LRRTM4: variants seen among roughly 807,000 people sequenced by gnomAD.
LRRTM4 encodes leucine rich repeat transmembrane neuronal 4.
A neutral mutation model predicts 47.6 loss-of-function variants in LRRTM4; 25 were observed. That is an observed-to-expected ratio of 0.53 (90% confidence interval 0.38 to 0.73). The LOEUF (loss-of-function observed/expected upper bound fraction) is 0.73, where lower values mean the gene tolerates loss of function less well. Ranked by LOEUF, LRRTM4 falls within the 30% of genes least tolerant of loss-of-function variation. The pLI is 0.00. For synonymous variants in LRRTM4, 311 were observed against 269.5 expected (o/e 1.15, Z -1.51); for missense variants, 638 against 713.4 (o/e 0.89, Z 1.20).
At position 77,059,374 on chromosome 2, in the gene LRRTM4, T is replaced by C. The variant is rs547978037; in HGVS notation, c.1552-310458A>G. Among the ~76,000 whole-genome samples, 247 of 152,298 alleles carry C rather than the reference T, an allele frequency of 1.6e-3. 1 individual carries two copies. Among genetic ancestry groups the C allele is most frequent in the Middle Eastern group, 0.01 (3 of 294 alleles). On this transcript the variant is annotated intron_variant, in intron 3 of 3. Transcript: ENST00000409884. ...ATATTCCAAAGTCACTTTTTCTTTA[T>C]TTCCTTTTTTACTTGGGTAGCTTCA...
intron 3 of LRRTM4, among the ~76,000 whole-genome samples, chr2:77,304,114 A>C (rs1293322771): frequency 6.6e-6 from 1 of 152,128 alleles, no homozygotes; most frequent in African/African-American, 2.4e-5. Flanking sequence ...AATACATGTT[A>C]CTTTTTGTCT....
intron 3 of LRRTM4, among the ~76,000 whole-genome samples, chr2:77,237,402 T>C (rs1675131890): frequency 6.6e-6 from 1 of 152,088 alleles, no homozygotes; most frequent in Non-Finnish European, 1.5e-5. Context: ...AATGTCACAT[T>C]GGTCATTTCT....
intron 3 of LRRTM4, among the ~76,000 whole-genome samples, chr2:77,017,611 G>T (rs1351902817): frequency 1.3e-5 from 2 of 152,054 alleles, no homozygotes; most frequent in Non-Finnish European, 2.9e-5. Context: ...AGGACAGTTT[G>T]ATCACTCCTA....
At chr2:77,115,462 TTAAAG>T (rs1356125648) in intron 3 of LRRTM4, among the ~76,000 whole-genome samples, 4 of 152,182 alleles carry the variant, frequency 2.6e-5, no homozygotes, top group African/African-American at 4.8e-5. Flanking sequence ...GATTAAGAGA[TTAAAG>T]TAAAGACAGG....
chr2:77,142,254 C>A (rs1035061899), intron 3 of LRRTM4, among the ~76,000 whole-genome samples: 1 of 152,100 alleles, frequency 6.6e-6, no homozygotes, highest in Non-Finnish European at 1.5e-5. Context: ...TTGTTCACCA[C>A]AAAGATTTTG....
chr2:77,267,324 C>T (rs958963788), intron 3 of LRRTM4, among the ~76,000 whole-genome samples: 13 of 152,196 alleles, frequency 8.5e-5, no homozygotes, highest in Middle Eastern at 6.8e-3. Context: ...CTCATGGTTC[C>T]GGAGGCCCTC....
intron 3 of LRRTM4, among the ~76,000 whole-genome samples, chr2:76,811,350 G>C (rs149841235): frequency 6.6e-6 from 1 of 152,274 alleles, no homozygotes; most frequent in Non-Finnish European, 1.5e-5. Flanking sequence ...CTACAAAGCA[G>C]CTTGCAGAGG....
intron 3 of LRRTM4, among the ~76,000 whole-genome samples, chr2:77,380,959 T>C (rs1054596554): frequency 1.3e-5 from 2 of 152,094 alleles, no homozygotes; most frequent in African/African-American, 4.8e-5. Context: ...TAAAAGATAA[T>C]AAACGAATAA....
At chr2:77,300,937 T>A (rs902331260) in intron 3 of LRRTM4, among the ~76,000 whole-genome samples, 7 of 152,110 alleles carry the variant, frequency 4.6e-5, no homozygotes, top group Non-Finnish European at 1.0e-4. Context: ...AAATGGAATT[T>A]TTTTTTACAG....
intron 3 of LRRTM4, among the ~76,000 whole-genome samples, chr2:77,175,809 A>G (rs186726327): frequency 1.7e-4 from 26 of 152,008 alleles, no homozygotes; most frequent in Non-Finnish European, 3.2e-4. Flanking sequence ...TGATCACCTC[A>G]ACAACCACAC....
intron 3 of LRRTM4, among the ~76,000 whole-genome samples, chr2:76,985,222 T>C (rs1330057810): frequency 6.6e-6 from 1 of 151,988 alleles, no homozygotes; most frequent in East Asian, 1.9e-4. Context: ...TTTAGAAAAT[T>C]TGGTGAAAGA....
intron 3 of LRRTM4, among the ~76,000 whole-genome samples, chr2:77,084,593 A>C (rs1572941452): frequency 6.6e-6 from 1 of 152,186 alleles, no homozygotes; most frequent in African/African-American, 2.4e-5. Flanking sequence ...CTGTACATCT[A>C]CATGTAATGG....
At chr2:76,892,976 A>G (rs1487012731) in intron 3 of LRRTM4, among the ~76,000 whole-genome samples, 1 of 151,402 alleles carries the variant, frequency 6.6e-6, no homozygotes, top group Non-Finnish European at 1.5e-5. Flanking sequence ...AAGTGTGAAA[A>G]GACGGAAATC....
chr2:76,774,376 G>C (rs552492483), intron 3 of LRRTM4, among the ~76,000 whole-genome samples: 1 of 151,972 alleles, frequency 6.6e-6, no homozygotes, highest in South Asian at 2.1e-4. Context: ...ATTTTTAGTA[G>C]AGAAGGGGTT....
At chr2:77,002,510 T>TA (rs1341852893) in intron 3 of LRRTM4, among the ~76,000 whole-genome samples, 7 of 152,156 alleles carry the variant, frequency 4.6e-5, no homozygotes, top group Admixed American at 4.6e-4. Flanking sequence ...TAACTGGAAA[T>TA]ACAACTATTT....
chr2:77,433,812 C>T (rs2103911222), intron 3 of LRRTM4, among the ~76,000 whole-genome samples: 1 of 152,266 alleles, frequency 6.6e-6, no homozygotes, highest in Admixed American at 6.5e-5. Flanking sequence ...GTAGATAAGG[C>T]TCTCTCCACC....
rs527298943 is a variant in LRRTM4 at position 76,910,342 on chromosome 2, G to C, written c.1552-161426C>G. 4.9e-5 allele frequency among the ~76,000 whole-genome samples: 6 copies of C among 123,388 alleles called. No individual in the cohort carries two copies. In the East Asian group the frequency reaches 1.6e-3, roughly 33 times the overall value. The allele number at this position is 123,388 out of a possible 152,430, so 80.9% of individuals were successfully genotyped here. A position where few individuals can be genotyped will look rare whatever the true frequency, so the allele number is the denominator to read the frequency against. On this transcript the variant is annotated intron_variant, in intron 3 of 3. Transcript: ENST00000409884. ...AGGGGAACATCACACTCTGGGGACT[G>C]TTGTGGGGTGGGGGGAGGGTGGAGG...
intron 3 of LRRTM4, among the ~76,000 whole-genome samples, chr2:76,793,137 G>A (rs980685604): frequency 1.3e-5 from 2 of 152,102 alleles, no homozygotes; most frequent in African/African-American, 4.8e-5. Flanking sequence ...AAGTCTTTAG[G>A]CAAGTAGACC....
intron 3 of LRRTM4, among the ~76,000 whole-genome samples, chr2:77,427,403 T>C (rs560668391): frequency 4.6e-5 from 7 of 152,362 alleles, no homozygotes; most frequent in Non-Finnish European, 1.0e-4. Context: ...ACTACATTAA[T>C]TCTACTTTTA....
Sources: gnomAD v4.1 joint callset for allele counts (sites outside exome capture counted in the v4.1 genomes callset) on GRCh38, gnomAD v4.1.1 for gene constraint, MANE v1.5 for transcripts, NCBI Gene and HGNC (gene_info 2026-07-23, HGNC 2026-07-21) for gene names.